Variants in ETV6 observed in about 807,000 individuals in gnomAD.
ETV6 encodes transcription factor ETV6.
Under a neutral mutation model 51.1 loss-of-function variants are expected in ETV6, and 16 were observed. The observed-to-expected ratio is 0.31, with a 90% CI of 0.21 to 0.48. The LOEUF is 0.48. Ranked by LOEUF, ETV6 falls within the 20% of genes least tolerant of loss-of-function variation. The pLI, the probability that ETV6 is intolerant of heterozygous loss-of-function variation, is 0.99. For missense variants in ETV6, 458 were observed against 594.8 expected (o/e 0.77, Z 2.39); for synonymous variants, 240 against 224.1 (o/e 1.07, Z -0.64).
intron 2 of ETV6, among the ~76,000 whole-genome samples, chr12:11,801,680 A>G (rs182111428): frequency 1.4e-4 from 21 of 150,336 alleles, no homozygotes; most frequent in African/African-American, 4.9e-4. Flanking sequence ...TAATCATTAC[A>G]GTGTTCCTTG....
intron 2 of ETV6, among the ~76,000 whole-genome samples, chr12:11,818,631 T>C (rs1946031523): frequency 6.6e-6 from 1 of 152,174 alleles, no homozygotes; most frequent in African/African-American, 2.4e-5. Context: ...TTGGGTTTTA[T>C]ACCAGTTACG....
chr12:11,891,994 A>C lies in ETV6; in HGVS notation c.*948A>C, dbSNP rs72552355. 96 of 234,326 alleles carry C rather than the reference A, an allele frequency of 4.1e-4. 1 individual carries two copies. Among genetic ancestry groups the C allele is most frequent in the South Asian group, 2.7e-3 (15 of 5,646 alleles). 14.5% of individuals were successfully genotyped at this position (234,326 alleles called of 1,614,324 possible). On this transcript the variant is annotated 3_prime_UTR_variant, in exon 8 of 8. Coordinates refer to ENST00000396373, the MANE Select transcript of ETV6 (RefSeq NM_001987.5). ...TGGAAGGCTGTCCAAGTTATTTGGA[A>C]GGCCTCGGCAGCTTGGGATTAGCTT...
intron 1 of ETV6, among the ~76,000 whole-genome samples, chr12:11,658,570 G>A (rs75414716): frequency 8.5e-5 from 13 of 152,202 alleles, no homozygotes; most frequent in Admixed American, 3.9e-4. Context: ...GCTCAAGCTC[G>A]TGTGGCTAGT....
chr12:11,696,552 C>T (rs1298983499), intron 1 of ETV6, among the ~76,000 whole-genome samples: 11 of 152,168 alleles, frequency 7.2e-5, no homozygotes, highest in Admixed American at 1.3e-4. Flanking sequence ...GGCGCAGTGG[C>T]TCACACCTGT....
intron 2 of ETV6, among the ~76,000 whole-genome samples, chr12:11,827,070 T>TCACACACACACA (rs55959869): frequency 3.0e-4 from 44 of 145,166 alleles, no homozygotes; most frequent in East Asian, 6.2e-4. Flanking sequence ...GAAGTCTGTC[T>TCACACACACACA]CACACACACA....
chr12:11,870,776 G>A (rs1424702747), intron 5 of ETV6, among the ~76,000 whole-genome samples: 1 of 152,112 alleles, frequency 6.6e-6, no homozygotes, highest in Non-Finnish European at 1.5e-5. Context: ...TTTCCCCAAG[G>A]AATTTAGAAT....
chr12:11,745,873 T>C (rs1046604044), intron 1 of ETV6, among the ~76,000 whole-genome samples: 6 of 152,362 alleles, frequency 3.9e-5, no homozygotes, highest in Non-Finnish European at 8.8e-5. Context: ...GGCCAAGTTA[T>C]CATTTGCATA....
At chr12:11,786,732 T>C (rs1945491727) in intron 2 of ETV6, among the ~76,000 whole-genome samples, 1 of 152,210 alleles carries the variant, frequency 6.6e-6, no homozygotes, top group Admixed American at 6.5e-5. Context: ...TAAAATACAT[T>C]AATTCTTTGC....
intron 5 of ETV6, among the ~76,000 whole-genome samples, chr12:11,877,183 A>G (rs2739101): frequency 0.94 from 143,320 of 152,302 alleles, 68,054 homozygotes; most frequent in East Asian, 1. Flanking sequence ...TTTGAGGCTT[A>G]TCCTCAGGGG....
intron 1 of ETV6, among the ~76,000 whole-genome samples, chr12:11,741,807 CAT>C (rs1203455109): frequency 1.3e-5 from 2 of 152,218 alleles, no homozygotes; most frequent in Non-Finnish European, 2.9e-5. Context: ...AATCCTTTAA[CAT>C]ATGTCTTGAT....
chr12:11,747,035 ACTGG>A lies in ETV6; in HGVS notation c.34-5414_34-5411del, dbSNP rs1218676396. Among the ~76,000 whole-genome samples the A allele has an allele frequency of 2.6e-5, 4 of 152,182 alleles. 1 individual carries two copies. Among genetic ancestry groups the A allele is most frequent in the African/African-American group, 9.6e-5 (4 of 41,512 alleles). ...AACTAGAGAAAGGGCACTCCTTAAGACTGGTGAAGCGGGCTCCTTGGAAGATCCC... is the reference window on the plus strand; with the variant it reads ...AACTAGAGAAAGGGCACTCCTTAAGATGAAGCGGGCTCCTTGGAAGATCCC... On this transcript the variant is annotated intron_variant, in intron 1 of 7. Transcript: ENST00000396373.
chr12:11,727,303 C>T (rs1306816306), intron 1 of ETV6, among the ~76,000 whole-genome samples: 2 of 152,240 alleles, frequency 1.3e-5, no homozygotes, highest in African/African-American at 4.8e-5. Context: ...ATCCCGCAGG[C>T]GGGCGCAAGC....
chr12:11,704,865 TA>T (rs1865044279), intron 1 of ETV6, among the ~76,000 whole-genome samples: 1 of 152,048 alleles, frequency 6.6e-6, no homozygotes, highest in African/African-American at 2.4e-5. Flanking sequence ...TATTAAGCCT[TA>T]AAAAAGGAGA....
chr12:11,721,048 A>G (rs1209651292), intron 1 of ETV6, among the ~76,000 whole-genome samples: 2 of 152,200 alleles, frequency 1.3e-5, no homozygotes, highest in African/African-American at 4.8e-5. Flanking sequence ...GAATGCTATT[A>G]TCAAAAGTCA....
intron 5 of ETV6, among the ~76,000 whole-genome samples, chr12:11,883,500 G>A (rs1029144039): frequency 4.6e-5 from 7 of 151,580 alleles, no homozygotes; most frequent in Non-Finnish European, 7.4e-5. Flanking sequence ...TCGCCACGTT[G>A]GTCAGGCTGG....
At chr12:11,674,615 TTGTGTG>T (rs5796457) in intron 1 of ETV6, among the ~76,000 whole-genome samples, 6,935 of 133,158 alleles carry the variant, frequency 0.052, 209 homozygotes, top group East Asian at 0.094. Context: ...TAGGGGTTAT[TTGTGTG>T]TGTGTGTGTG....
intron 4 of ETV6, among the ~76,000 whole-genome samples, chr12:11,863,518 C>T (rs1946746452): frequency 1.3e-5 from 2 of 152,200 alleles, no homozygotes. Context: ...CTTTCCCTCC[C>T]TCTTCCTTGT....
Position 11,893,200 on chromosome 12 carries a change from G to A in ETV6, c.*2154G>A. On this transcript the variant is annotated 3_prime_UTR_variant, in exon 8 of 8. Transcript: ENST00000396373. ...TTAAGCCAAATACCTGATGTATTGTGAAAGCCACTGATTTTAAGAATGGAG... is the reference window on the plus strand; with the variant it reads ...TTAAGCCAAATACCTGATGTATTGTAAAAGCCACTGATTTTAAGAATGGAG... 1 of 232,734 alleles carries A rather than the reference G, an allele frequency of 4.3e-6. No individual in the cohort carries two copies. Among genetic ancestry groups the A allele is most frequent in the South Asian group, 1.8e-4 (1 of 5,514 alleles). The allele number at this position is 232,734 out of a possible 1,614,324, so 14.4% of individuals were successfully genotyped here.
Position 11,657,429 on chromosome 12 carries a change from AAGAC to A in ETV6, c.33+7273_33+7276del, listed in dbSNP as rs138288896. Among the ~76,000 whole-genome samples, 971 of 152,370 alleles carry A rather than the reference AAGAC, an allele frequency of 6.4e-3. 10 individuals carry two copies. The highest frequency in any genetic ancestry group is 0.022 in the African/African-American group (921 of 41,586). On this transcript the variant is annotated intron_variant, in intron 1 of 7. Transcript: ENST00000396373. Reference sequence around the variant, plus strand: ...GTTCATCATTGTGACTTCCAAGTGAAAGACAGAGTTCATGTTATGAGATTTAAGA... The same window carrying A: ...GTTCATCATTGTGACTTCCAAGTGAAAGAGTTCATGTTATGAGATTTAAGA...
Sources: allele counts gnomAD v4.1 joint callset (sites outside exome capture counted in the v4.1 genomes callset), GRCh38; gene constraint gnomAD v4.1.1; transcripts MANE v1.5; gene names NCBI Gene and HGNC (gene_info 2026-07-23, HGNC 2026-07-21).